The following ANAPC10 variants were observed in gnomAD, a reference collection of about 807,000 sequenced individuals.
ANAPC10 encodes anaphase promoting complex subunit 10, also known as anaphase-promoting complex subunit 10.
A neutral mutation model predicts 22.0 loss-of-function variants in ANAPC10; 12 were observed. The ratio of observed to expected loss-of-function variants is 0.55; its 90% confidence interval spans 0.35 to 0.88. ANAPC10 has a LOEUF of 0.88. ANAPC10 is among the 40% of genes least tolerant of loss of function. The pLI, the probability that ANAPC10 is intolerant of heterozygous loss-of-function variation, is 0.01. For missense variants in ANAPC10, 188 were observed against 220.9 expected, an observed-to-expected ratio of 0.85 and a Z score of 0.94; for synonymous variants, 65 against 69.5, an observed-to-expected ratio of 0.94 and a Z score of 0.32.
chr4:145,036,434 C>T (rs757731403), intron 4 of ANAPC10, among the ~76,000 whole-genome samples: 44 of 152,266 alleles, frequency 2.9e-4, no homozygotes, highest in Admixed American at 2.1e-3. Context: ...ACATAGCTAA[C>T]AGGATTGCTC....
At chr4:145,017,727 T>C (rs1169547208) in intron 4 of ANAPC10, among the ~76,000 whole-genome samples, 1 of 151,646 alleles carries the variant, frequency 6.6e-6, no homozygotes, top group Non-Finnish European at 1.5e-5. Context: ...ACCCAAATTG[T>C]CCAATGATAG....
intron 2 of ANAPC10, among the ~76,000 whole-genome samples, chr4:145,090,151 G>T (rs1747453179): frequency 6.6e-6 from 1 of 152,112 alleles, no homozygotes; most frequent in Non-Finnish European, 1.5e-5. Context: ...GACCTCTGTG[G>T]TTAACGAAAT....
At chr4:145,037,815 C>G (rs1434542303) in intron 4 of ANAPC10, among the ~76,000 whole-genome samples, 1 of 151,772 alleles carries the variant, frequency 6.6e-6, no homozygotes, top group African/African-American at 2.4e-5. Flanking sequence ...AGCATGGTAG[C>G]ATATGCCAGT....
At chr4:145,013,978 G>A (rs988621242) in intron 4 of ANAPC10, among the ~76,000 whole-genome samples, 5 of 152,062 alleles carry the variant, frequency 3.3e-5, no homozygotes, top group African/African-American at 1.2e-4. Context: ...GGCATCACAG[G>A]GATCCTTCAG....
intron 4 of ANAPC10, among the ~76,000 whole-genome samples, chr4:145,015,416 A>G (rs935667619): frequency 6.6e-6 from 1 of 152,122 alleles, no homozygotes; most frequent in Non-Finnish European, 1.5e-5. Flanking sequence ...AAATATGAAC[A>G]AAGTCTCCGA....
chr4:145,094,388 T>C (rs1748171121), intron 2 of ANAPC10, among the ~76,000 whole-genome samples: 1 of 152,210 alleles, frequency 6.6e-6, no homozygotes. Flanking sequence ...GGCAATGTTA[T>C]ATATTCGATT....
chr4:145,053,879 C>G, intron 4 of ANAPC10: 1 of 505,844 alleles, frequency 2.0e-6, no homozygotes, highest in Non-Finnish European at 3.5e-6. Context: ...GCAAGATTTA[C>G]TGCAGCACTT....
intron 2 of ANAPC10, among the ~76,000 whole-genome samples, chr4:145,092,914 C>T (rs1473113805): frequency 6.6e-6 from 1 of 152,168 alleles, no homozygotes; most frequent in Admixed American, 6.5e-5. Flanking sequence ...AACAACAGTC[C>T]TTTCTCAGAG....
At chr4:145,016,935 T>C (rs1461903623) in intron 4 of ANAPC10, among the ~76,000 whole-genome samples, 1 of 152,232 alleles carries the variant, frequency 6.6e-6, no homozygotes, top group East Asian at 1.9e-4. Context: ...AAGCTGAAAC[T>C]GGATCCCTTC....
intron 3 of ANAPC10, among the ~76,000 whole-genome samples, chr4:145,074,937 G>A (rs892835088): frequency 1.3e-5 from 2 of 151,982 alleles, no homozygotes; most frequent in Non-Finnish European, 2.9e-5. Flanking sequence ...TTCAAATTAC[G>A]GAAAGAAAGC....
intron 3 of ANAPC10, among the ~76,000 whole-genome samples, chr4:145,068,649 C>T (rs1026775383): frequency 3.3e-5 from 5 of 152,142 alleles, no homozygotes; most frequent in South Asian, 2.1e-4. Flanking sequence ...CAGTGGCACA[C>T]GCCTGTAATC....
chr4:145,064,464 C>T (rs35754508), intron 4 of ANAPC10, 108 bp downstream of exon 4: 34,789 of 826,664 alleles, frequency 0.042, 901 homozygotes, highest in Middle Eastern at 0.051. Flanking sequence ...CAATATTTTT[C>T]TCTTATATAT....
At chr4:145,084,655 T>C (rs1382430978) in intron 2 of ANAPC10, among the ~76,000 whole-genome samples, 2 of 152,098 alleles carry the variant, frequency 1.3e-5, no homozygotes, top group Non-Finnish European at 2.9e-5. Context: ...CTGGGCCATA[T>C]ATGTCGATAA....
chr4:145,025,418 G>C (rs559442694), intron 4 of ANAPC10, among the ~76,000 whole-genome samples: 1 of 150,806 alleles, frequency 6.6e-6, no homozygotes, highest in South Asian at 2.1e-4. Context: ...TGGACACTTA[G>C]AGACCATTGT....
intron 4 of ANAPC10, among the ~76,000 whole-genome samples, chr4:145,011,689 G>A (rs940627542): frequency 5.3e-5 from 8 of 152,124 alleles, no homozygotes; most frequent in Admixed American, 2.6e-4. Context: ...TATTACTAGG[G>A]TCTTTCAGAA....
chr4:145,056,256 C>T (rs956117482), intron 4 of ANAPC10, among the ~76,000 whole-genome samples: 3 of 152,158 alleles, frequency 2.0e-5, no homozygotes, highest in Non-Finnish European at 4.4e-5. Flanking sequence ...AAGATGGCCA[C>T]GAGAGTGACC....
At chr4:145,047,907 TCTC>T (rs1357250160) in intron 4 of ANAPC10, among the ~76,000 whole-genome samples, 1 of 152,070 alleles carries the variant, frequency 6.6e-6, no homozygotes, top group Non-Finnish European at 1.5e-5. Flanking sequence ...TTCCTCAGTC[TCTC>T]TTTATTCCCT....
intron 4 of ANAPC10, among the ~76,000 whole-genome samples, chr4:145,049,929 A>C (rs992189343): frequency 1.3e-5 from 2 of 152,156 alleles, no homozygotes; most frequent in African/African-American, 2.4e-5. Context: ...CCTCCAATGA[A>C]GCCTTCAGAC....
At chr4:145,063,276 A>G (rs910273039) in intron 4 of ANAPC10, among the ~76,000 whole-genome samples, 1 of 152,190 alleles carries the variant, frequency 6.6e-6, no homozygotes, top group Non-Finnish European at 1.5e-5. Flanking sequence ...GATACATACA[A>G]TATTTAATAA....
Sources: gnomAD v4.1 joint callset for allele counts (sites outside exome capture counted in the v4.1 genomes callset) on GRCh38, gnomAD v4.1.1 for gene constraint, MANE v1.5 for transcripts, NCBI Gene and HGNC (gene_info 2026-07-23, HGNC 2026-07-21) for gene names.